The following GOSR2 variants were observed in gnomAD, a reference collection of about 807,000 sequenced individuals.
The protein encoded by GOSR2 is golgi SNAP receptor complex member 2, also known as 27 kDa Golgi SNARE protein.
GOSR2 carries 20 observed loss-of-function variants against 27.9 expected under a neutral mutation model. That is an observed-to-expected ratio of 0.72 (90% confidence interval 0.50 to 1.04). The LOEUF (loss-of-function observed/expected upper bound fraction) is 1.04. Ranked by LOEUF, GOSR2 falls within the 50% of genes least tolerant of loss-of-function variation. The pLI is 0.00. For missense variants in GOSR2, 261 were observed against 270.5 expected (o/e 0.97, Z 0.25); for synonymous variants, 91 against 98.8 (o/e 0.92, Z 0.47).
chr17:46,926,377 G>C (rs2086499453), intron 1 of GOSR2, among the ~76,000 whole-genome samples: 1 of 152,066 alleles, frequency 6.6e-6, no homozygotes, highest in Non-Finnish European at 1.5e-5. Flanking sequence ...GGGGTGGTGG[G>C]GGGCGGTGAG....
At chr17:46,926,122 A>T (rs1202593656) in intron 1 of GOSR2, among the ~76,000 whole-genome samples, 4 of 152,002 alleles carry the variant, frequency 2.6e-5, no homozygotes, top group East Asian at 3.9e-4. Context: ...TCTCAAGACC[A>T]TTTTTTTTCC....
chr17:46,946,735 C>T (rs946139342), downstream of GOSR2, among the ~76,000 whole-genome samples: 17 of 150,590 alleles, frequency 1.1e-4, no homozygotes, highest in South Asian at 4.2e-4. Context: ...AGTTGGTGTG[C>T]GCCTGTAGTC....
chr17:46,928,685 C>T (rs2086855194), intron 1 of GOSR2, among the ~76,000 whole-genome samples: 2 of 152,198 alleles, frequency 1.3e-5, no homozygotes, highest in Admixed American at 6.5e-5. Context: ...AGGTCCCTGT[C>T]TCAGGGTCTT....
intron 6 of GOSR2, among the ~76,000 whole-genome samples, chr17:46,961,936 T>C (rs2091075797): frequency 6.6e-6 from 1 of 152,236 alleles, no homozygotes; most frequent in African/African-American, 2.4e-5. Context: ...TTCCAAATCA[T>C]TTTATTTAAT....
intron 3 of GOSR2, 136 bp from the exon 4 acceptor site, chr17:46,931,931 G>T: frequency 1.3e-6 from 1 of 774,168 alleles, no homozygotes; most frequent in South Asian, 1.4e-5. Context: ...ATTAGATCTT[G>T]TGGTGAGGGG....
intron 6 of GOSR2, among the ~76,000 whole-genome samples, chr17:46,959,042 C>G (rs975163125): frequency 5.3e-5 from 8 of 152,200 alleles, no homozygotes; most frequent in African/African-American, 1.9e-4. Flanking sequence ...TAGCTGCATG[C>G]AAGGCTGTCC....
chr17:46,935,589 A>G, intron 5 of GOSR2: 1 of 1,087,962 alleles, frequency 9.2e-7, no homozygotes, highest in Non-Finnish European at 1.1e-6. Flanking sequence ...TTATAACTAA[A>G]ACCTTTTGTA....
chr17:46,943,947 C>T (rs544452715), downstream of GOSR2, among the ~76,000 whole-genome samples: 3 of 152,176 alleles, frequency 2.0e-5, no homozygotes, highest in South Asian at 2.1e-4. Context: ...CTAGGACAGG[C>T]GTGACTAATG....
At chr17:46,932,552 A>G in intron 4 of GOSR2, 1 of 513,836 alleles carries the variant, frequency 1.9e-6, no homozygotes, top group Non-Finnish European at 3.4e-6. Context: ...TTTGTAGAGA[A>G]GGCAGCATTT....
chr17:46,958,631 G>A (rs1234531018), intron 6 of GOSR2, among the ~76,000 whole-genome samples: 3 of 152,342 alleles, frequency 2.0e-5, no homozygotes, highest in African/African-American at 7.2e-5. Context: ...CAGCTCAGGG[G>A]AGGGGGCCAT....
At chr17:46,962,607 C>A (rs764661846) in intron 6 of GOSR2, among the ~76,000 whole-genome samples, 1 of 152,198 alleles carries the variant, frequency 6.6e-6, no homozygotes, top group African/African-American at 2.4e-5. Context: ...GGAGAAGCCA[C>A]ATGGAGGAAA....
At chr17:46,967,680 C>T (rs1045385632), downstream of GOSR2, among the ~76,000 whole-genome samples, 5 of 152,062 alleles carry the variant, frequency 3.3e-5, no homozygotes, top group African/African-American at 1.2e-4. Flanking sequence ...TTTAGGACAG[C>T]CCCTAGGAGG....
downstream of GOSR2, among the ~76,000 whole-genome samples, chr17:46,943,615 T>TAGGCGC (rs2089556077): frequency 6.6e-6 from 1 of 152,144 alleles, no homozygotes; most frequent in African/African-American, 2.4e-5. Context: ...GGGCACGTAG[T>TAGGCGC]AGGCGCAGGC....
At chr17:46,929,862 C>T in intron 2 of GOSR2, 1 of 402,438 alleles carries the variant, frequency 2.5e-6, no homozygotes, top group Non-Finnish European at 4.6e-6. Flanking sequence ...AATCTAATTA[C>T]CTAGTCCTTA....
intron 6 of GOSR2, among the ~76,000 whole-genome samples, chr17:46,966,056 T>C (rs2091305414): frequency 1.3e-5 from 2 of 152,204 alleles, no homozygotes; most frequent in Admixed American, 1.3e-4. Context: ...AACCATCTAC[T>C]AATCTACTTA....
chr17:46,935,457 G>A, intron 5 of GOSR2: 1 of 1,384,382 alleles, frequency 7.2e-7, no homozygotes, highest in South Asian at 1.8e-5. Context: ...TACTACGAGG[G>A]GTCCAATCAC....
At chr17:46,925,086 G>A (rs1299389343) in intron 1 of GOSR2, among the ~76,000 whole-genome samples, 1 of 151,302 alleles carries the variant, frequency 6.6e-6, no homozygotes, top group East Asian at 1.9e-4. Flanking sequence ...TGCTCTGTAG[G>A]CCTCCAACAA....
intron 5 of GOSR2, chr17:46,936,329 G>A (rs1414937156): frequency 9.1e-6 from 9 of 985,262 alleles, no homozygotes; most frequent in Admixed American, 6.1e-5. Flanking sequence ...GGGTTAGAGC[G>A]TCCTGTTAAG....
In GOSR2 at chr17:46,940,852, C is replaced by T. The variant is rs2089172869; in HGVS notation, c.*2092C>T. On this transcript the variant is annotated 3_prime_UTR_variant, in exon 6 of 6. Transcript: ENST00000640051. Reference sequence around the variant, plus strand: ...ACAGCAGCCAGTGTGTCTGGACACCCAGGGGCATTGAGACTGCATGTTGTC... The same window carrying T: ...ACAGCAGCCAGTGTGTCTGGACACCTAGGGGCATTGAGACTGCATGTTGTC... 3 of 1,441,410 alleles carry T rather than the reference C, an allele frequency of 2.1e-6. No individual in the cohort carries two copies. The highest frequency in any genetic ancestry group is 2.5e-5 in the East Asian group (1 of 39,346). The allele number at this position is 1,441,410 out of a possible 1,614,324, so 89.3% of individuals were successfully genotyped here. A position where few individuals can be genotyped will look rare whatever the true frequency, so the allele number is the denominator to read the frequency against.
Sources: allele counts gnomAD v4.1 joint callset (sites outside exome capture counted in the v4.1 genomes callset), GRCh38; gene constraint gnomAD v4.1.1; transcripts MANE v1.5; gene names NCBI Gene and HGNC (gene_info 2026-07-23, HGNC 2026-07-21).